ATXN7L1: variants seen among roughly 807,000 people sequenced by gnomAD.
The protein encoded by ATXN7L1 is ataxin-7-like protein 1.
ATXN7L1 carries 15 observed loss-of-function variants against 70.8 expected under a neutral mutation model. That is an observed-to-expected ratio of 0.21 (90% confidence interval 0.14 to 0.33). ATXN7L1 has a LOEUF of 0.33. Among genes scored for constraint, ATXN7L1 ranks in the 10% least tolerant of loss-of-function variants. The pLI, the probability that ATXN7L1 is intolerant of heterozygous loss-of-function variation, is 1.00. For missense variants in ATXN7L1, 975 were observed against 1,097.1 expected (o/e 0.89, Z 1.57); for synonymous variants, 440 against 445.1 (o/e 0.99, Z 0.14).
At chr7:105,758,506 T>C (rs531892779) in intron 3 of ATXN7L1, among the ~76,000 whole-genome samples, 2 of 152,210 alleles carry the variant, frequency 1.3e-5, no homozygotes, top group Admixed American at 6.5e-5. Context: ...TTTCTGGACA[T>C]TGGAAGGACT....
chr7:105,625,537 C>T (rs1051569340), intron 7 of ATXN7L1, among the ~76,000 whole-genome samples: 1 of 152,186 alleles, frequency 6.6e-6, no homozygotes, highest in Non-Finnish European at 1.5e-5. Flanking sequence ...AGGTGTGAGC[C>T]ACCGTGCCCA....
chr7:105,662,693 C>A (rs1801906799), intron 4 of ATXN7L1, among the ~76,000 whole-genome samples: 1 of 152,138 alleles, frequency 6.6e-6, no homozygotes, highest in Non-Finnish European at 1.5e-5. Flanking sequence ...CTCTGTAGCT[C>A]ATTTCTAGAC....
intron 2 of ATXN7L1, among the ~76,000 whole-genome samples, chr7:105,823,446 T>G (rs1810437503): frequency 6.6e-6 from 1 of 152,176 alleles, no homozygotes; most frequent in Non-Finnish European, 1.5e-5. Context: ...TCTTTACAGG[T>G]TTATGTTGCT....
At chr7:105,770,697 G>T (rs1801863638) in intron 3 of ATXN7L1, among the ~76,000 whole-genome samples, 1 of 152,174 alleles carries the variant, frequency 6.6e-6, no homozygotes, top group Non-Finnish European at 1.5e-5. Flanking sequence ...GACCCTGCCA[G>T]ACCTTAAGGA....
chr7:105,672,327 T>C (rs1803886821), intron 3 of ATXN7L1, among the ~76,000 whole-genome samples: 1 of 152,194 alleles, frequency 6.6e-6, no homozygotes, highest in South Asian at 2.1e-4. Context: ...GTTTCTCTTT[T>C]CTACAGGTAA....
intron 2 of ATXN7L1, among the ~76,000 whole-genome samples, chr7:105,874,633 T>C (rs2116687147): frequency 6.6e-6 from 1 of 152,386 alleles, no homozygotes; most frequent in Non-Finnish European, 1.5e-5. Flanking sequence ...GGAACTGTCC[T>C]TGAATATGTA....
intron 2 of ATXN7L1, among the ~76,000 whole-genome samples, chr7:105,792,405 C>T (rs1805382290): frequency 6.6e-6 from 1 of 152,200 alleles, no homozygotes; most frequent in Non-Finnish European, 1.5e-5. Context: ...GCAGCTGGCT[C>T]CCAGGAAGAC....
intron 2 of ATXN7L1, among the ~76,000 whole-genome samples, chr7:105,815,085 C>A (rs1209886210): frequency 1.3e-5 from 2 of 152,194 alleles, no homozygotes; most frequent in Non-Finnish European, 2.9e-5. Flanking sequence ...AGTTTTGCCT[C>A]TTCAGGGAAA....
chr7:105,652,145 A>G (rs2115984725), intron 4 of ATXN7L1, among the ~76,000 whole-genome samples: 1 of 152,220 alleles, frequency 6.6e-6, no homozygotes, highest in Non-Finnish European at 1.5e-5. Flanking sequence ...GGAAAAATCG[A>G]GCCCTCATGC....
At chr7:105,617,016 T>A (rs1231034687) in intron 9 of ATXN7L1, among the ~76,000 whole-genome samples, 1 of 152,144 alleles carries the variant, frequency 6.6e-6, no homozygotes, top group Admixed American at 6.5e-5. Flanking sequence ...TGACTTTGAA[T>A]GGGATCCATT....
At chr7:105,791,921 T>C (rs547992680) in intron 2 of ATXN7L1, among the ~76,000 whole-genome samples, 1 of 152,308 alleles carries the variant, frequency 6.6e-6, no homozygotes, top group South Asian at 2.1e-4. Flanking sequence ...GAACATCTAC[T>C]CTTGTGCCAG....
intron 3 of ATXN7L1, among the ~76,000 whole-genome samples, chr7:105,750,389 C>T (rs947994526): frequency 4.3e-4 from 66 of 151,726 alleles, no homozygotes; most frequent in Middle Eastern, 3.4e-3. Context: ...GATCCTCCTG[C>T]CTCAGTTTCT....
intron 2 of ATXN7L1, among the ~76,000 whole-genome samples, chr7:105,862,479 C>T (rs574317998): frequency 6.6e-6 from 1 of 152,272 alleles, no homozygotes; most frequent in East Asian, 1.9e-4. Flanking sequence ...CAGTGGATCA[C>T]CCTCTTCTTG....
At chr7:105,649,053 A>T (rs1301200137) in intron 4 of ATXN7L1, among the ~76,000 whole-genome samples, 1 of 152,194 alleles carries the variant, frequency 6.6e-6, no homozygotes, top group Non-Finnish European at 1.5e-5. Context: ...GCTTAGCCAA[A>T]GCCCTTCAAA....
chr7:105,875,960 G>T, intron 1 of ATXN7L1, 80 bp from the exon 2 acceptor site: 1 of 1,209,816 alleles, frequency 8.3e-7, no homozygotes, highest in Non-Finnish European at 1.2e-6. Flanking sequence ...GGGAGGGAGA[G>T]TGTTTATTTG....
chr7:105,639,118 C>A (rs547924600), intron 6 of ATXN7L1, among the ~76,000 whole-genome samples: 1 of 152,286 alleles, frequency 6.6e-6, no homozygotes, highest in African/African-American at 2.4e-5. Flanking sequence ...ATATCATCCT[C>A]CCCTCCAGGG....
chr7:105,641,897 TACAG>T (rs1351976899), intron 5 of ATXN7L1, among the ~76,000 whole-genome samples: 1 of 152,224 alleles, frequency 6.6e-6, no homozygotes, highest in Non-Finnish European at 1.5e-5. Context: ...AAACTAGAAC[TACAG>T]ACAAATACAG....
chr7:105,829,282 A>C (rs1187422459), intron 2 of ATXN7L1, among the ~76,000 whole-genome samples: 1 of 152,060 alleles, frequency 6.6e-6, no homozygotes, highest in African/African-American at 2.4e-5. Flanking sequence ...AAAACAAAAC[A>C]AAACAAAAAA....
chr7:105,642,872 G>C lies in ATXN7L1; in HGVS notation c.828C>G (p.Thr276=), dbSNP rs755273037. 20 of 1,551,594 alleles carry C rather than the reference G, an allele frequency of 1.3e-5. No individual in the cohort carries two copies. The highest frequency in any genetic ancestry group is 1.7e-5 in the Non-Finnish European group (20 of 1,146,978). ...TTIDKKHQNG[T]KNSNKPYRRL... is the part of the protein sequence containing the mutation. The stretch of plus-strand genomic sequence containing the variant: ...TCCTGTAAGGCTTGTTGCTGTTTTT[G>C]GTGCCATTTTGGTGTTTCTTGTCTA... Residue 276 remains threonine (T), a synonymous_variant, in exon 5 of 12, where the codon ACC becomes ACG. Coordinates refer to ENST00000419735, the MANE Select transcript of ATXN7L1 (RefSeq NM_020725.2).
Sources: gnomAD v4.1 joint callset for allele counts (sites outside exome capture counted in the v4.1 genomes callset) on GRCh38, gnomAD v4.1.1 for gene constraint, MANE v1.5 for transcripts, NCBI Gene and HGNC (gene_info 2026-07-23, HGNC 2026-07-21) for gene names.